KLF16: variants seen among roughly 807,000 people sequenced by gnomAD.
KLF16 encodes Krueppel-like factor 16.
A neutral mutation model predicts 6.1 loss-of-function variants in KLF16; 6 were observed. The observed-to-expected ratio is 0.98, with a 90% CI of 0.54 to 1.93. The LOEUF is 1.93. KLF16 is among the 30% of genes most tolerant of loss of function. The pLI is 0.01. For missense variants in KLF16, 355 were observed against 363.8 expected (o/e 0.98, Z 0.20); for synonymous variants, 211 against 176.5 (o/e 1.20, Z -1.55).
At chr19:1,872,495 C>T in the KLF16 span, among the ~76,000 whole-genome samples, 1 of 152,226 alleles carries the variant, frequency 6.6e-6, no homozygotes, top group Non-Finnish European at 1.5e-5. Context: ...AGCACCCCGC[C>T]TGGGCCTGTT....
At chr19:1,860,317 G>A (rs575462928) in intron 1 of KLF16, 1 of 152,598 alleles carries the variant, frequency 6.6e-6, no homozygotes, top group African/African-American at 2.4e-5. Context: ...GGCCGGGCTA[G>A]GATAGGGGCT....
At chr19:1,863,750 C>T (rs1201218938), upstream of KLF16, among the ~76,000 whole-genome samples, 7 of 142,708 alleles carry the variant, frequency 4.9e-5, no homozygotes, top group Non-Finnish European at 1.1e-4. Flanking sequence ...CCACGCCCCC[C>T]GCCCGGCGCG....
intron 1 of KLF16, among the ~76,000 whole-genome samples, chr19:1,856,761 G>A (rs971784995): frequency 2.0e-5 from 3 of 152,234 alleles, no homozygotes; most frequent in African/African-American, 7.2e-5. Flanking sequence ...TGGGGCTCGC[G>A]CCCCTCCAGG....
chr19:1,852,584 A>C lies in KLF16; in HGVS notation c.*1875T>G, dbSNP rs1350227951. 6.6e-6 allele frequency: 1 copy of C among 152,086 alleles called. No individual in the cohort carries two copies. The highest frequency in any genetic ancestry group is 1.5e-5 in the Non-Finnish European group (1 of 68,028). The allele number at this position is 152,086 out of a possible 1,614,324, so 9.4% of individuals were successfully genotyped here. A position where few individuals can be genotyped will look rare whatever the true frequency, so the allele number is the denominator to read the frequency against. On this transcript the variant is annotated 3_prime_UTR_variant, in exon 2 of 2. Coordinates refer to ENST00000250916, the MANE Select transcript of KLF16 (RefSeq NM_031918.4). ...GGAGGGGTGGGCGCAGGTCTCTCCA[A>C]GCCCCTGGACACTGGAGAGGGGCCC... is the stretch of plus-strand genomic sequence containing the variant.
At position 1,863,367 on chromosome 19, in the gene KLF16, C is replaced by T. The variant is rs1469251785; in HGVS notation, c.131G>A (p.Arg44His). ...TGAGGCGGCCTCGCGGCGCGCCGCG[C>T]GCACATCCAGGCCGGCGGCGGGGCC... Reference protein sequence around the residue: ...GAGPAAGLDVRAARREAASPG... With the variant: ...GAGPAAGLDVHAARREAASPG... Residue 44 changes from arginine (R) to histidine (H), a missense_variant, in exon 1 of 2, where the codon CGC (arginine) becomes CAC (histidine). By Grantham distance (29) the Arg-to-His change is conservative. Coordinates refer to ENST00000250916, the MANE Select transcript of KLF16 (RefSeq NM_031918.4). The T allele has an allele frequency of 1.0e-5, 10 of 980,372 alleles. No individual in the cohort carries two copies. The highest frequency in any genetic ancestry group is 1.8e-5 in the African/African-American group (1 of 56,230). The allele number at this position is 980,372 out of a possible 1,614,324, so 60.7% of individuals were successfully genotyped here. A position where few individuals can be genotyped will look rare whatever the true frequency, so the allele number is the denominator to read the frequency against.
In KLF16 at chr19:1,860,604, G is replaced by A. The variant is rs535227302; in HGVS notation, c.457+2437C>T. 3.3e-5 allele frequency among the ~76,000 whole-genome samples: 5 copies of A among 152,190 alleles called. No individual in the cohort carries two copies. In the South Asian group the frequency reaches 6.2e-4, roughly 19 times the overall value. ...ACAGCCCTGCAGCCACCGGTGACTC[G>A]GGTTCGTCTGCGGATCTTTCCCGGC... On this transcript the variant is annotated intron_variant, in intron 1 of 1. Coordinates refer to ENST00000250916, the MANE Select transcript of KLF16 (RefSeq NM_031918.4).
At chr19:1,864,813 G>A (rs964424457), upstream of KLF16, among the ~76,000 whole-genome samples, 16 of 152,224 alleles carry the variant, frequency 1.1e-4, no homozygotes, top group African/African-American at 3.9e-4. Context: ...AAGGCGGCGG[G>A]GGCACAGAAA....
upstream of KLF16, among the ~76,000 whole-genome samples, chr19:1,863,973 A>C (rs1246144656): frequency 4.4e-5 from 5 of 113,088 alleles, no homozygotes; most frequent in African/African-American, 1.0e-4. Flanking sequence ...TTCCCGGAGC[A>C]CCACCCCCTC....
intron 1 of KLF16, among the ~76,000 whole-genome samples, chr19:1,855,550 C>T (rs1234151892): frequency 6.6e-6 from 1 of 152,226 alleles, no homozygotes; most frequent in Non-Finnish European, 1.5e-5. Context: ...CCCCTCCCAC[C>T]GCCAAGGCCG....
chr19:1,868,776 G>A, the KLF16 span, among the ~76,000 whole-genome samples: 14 of 151,594 alleles, frequency 9.2e-5, no homozygotes, highest in South Asian at 4.2e-4. Flanking sequence ...CCGAGTAGCC[G>A]CGATTACAGG....
intron 1 of KLF16, among the ~76,000 whole-genome samples, chr19:1,855,938 G>A (rs1428203914): frequency 1.3e-5 from 2 of 152,260 alleles, no homozygotes; most frequent in Non-Finnish European, 2.9e-5. Flanking sequence ...TCGTGGCACT[G>A]GTTGGAGCCC....
At chr19:1,859,931 C>T (rs547466222) in intron 1 of KLF16, among the ~76,000 whole-genome samples, 1 of 152,070 alleles carries the variant, frequency 6.6e-6, no homozygotes, top group East Asian at 1.9e-4. Flanking sequence ...CACTGCATAA[C>T]CCCCTGCAGT....
Position 1,863,542 on chromosome 19 carries a change from G to T in KLF16, c.-45C>A. 1 of 933,430 alleles carries T rather than the reference G, an allele frequency of 1.1e-6. No homozygotes were observed. The allele number at this position is 933,430 out of a possible 1,614,324, so 57.8% of individuals were successfully genotyped here. A position where few individuals can be genotyped will look rare whatever the true frequency, so the allele number is the denominator to read the frequency against. ...CGCGGCGGGCGGAGCGGAGGCGGCG[G>T]GAGCGGCGTCCGTCCGGCCGGCGGC... On this transcript the variant is annotated 5_prime_UTR_variant, in exon 1 of 2. Transcript: ENST00000250916.
chr19:1,861,356 C>T (rs1376832987), intron 1 of KLF16: 1 of 152,214 alleles, frequency 6.6e-6, no homozygotes, highest in African/African-American at 2.4e-5. Context: ...CACTTCAGCC[C>T]CGTCTGTTCA....
At chr19:1,872,579 G>A in the KLF16 span, among the ~76,000 whole-genome samples, 1 of 152,212 alleles carries the variant, frequency 6.6e-6, no homozygotes, top group Admixed American at 6.5e-5. Flanking sequence ...CACACTGCCT[G>A]TTCTGAGCTC....
chr19:1,861,181 C>CG (rs1160318784), intron 1 of KLF16, among the ~76,000 whole-genome samples: 2 of 152,184 alleles, frequency 1.3e-5, no homozygotes, highest in Non-Finnish European at 2.9e-5. Context: ...CCCCAATACC[C>CG]GGGGGCCTAT....
Position 1,856,952 on chromosome 19 carries a change from G to C in KLF16, c.458-2192C>G, listed in dbSNP as rs1043891008. Among the ~76,000 whole-genome samples, 7 of 123,898 alleles carry C rather than the reference G, an allele frequency of 5.6e-5. 2 individuals are homozygous for C. Among genetic ancestry groups the C allele is most frequent in the South Asian group, 5.1e-4 (2 of 3,932 alleles). 81.3% of individuals were successfully genotyped at this position (123,898 alleles called of 152,430 possible). On this transcript the variant is annotated intron_variant, in intron 1 of 1. Transcript: ENST00000250916. Reference sequence around the variant, plus strand: ...CTTTGCAAGGAGGAGCAGGTTGCCGGGGTGGGGGGGGCGACCGGGGCAGGG... The same window carrying C: ...CTTTGCAAGGAGGAGCAGGTTGCCGCGGTGGGGGGGGCGACCGGGGCAGGG...
At chr19:1,863,751 G>T (rs1425416748), upstream of KLF16, among the ~76,000 whole-genome samples, 14 of 132,902 alleles carry the variant, frequency 1.1e-4, no homozygotes, top group East Asian at 3.3e-3. Flanking sequence ...CACGCCCCCC[G>T]CCCGGCGCGC....
At position 1,856,950 on chromosome 19, in the gene KLF16, C is replaced by CG. The variant is rs946961126; in HGVS notation, c.458-2191dup. ...CACTTTGCAAGGAGGAGCAGGTTGC[C>CG]GGGGTGGGGGGGGCGACCGGGGCAG... On this transcript the variant is annotated intron_variant, in intron 1 of 1. Transcript: ENST00000250916. Among the ~76,000 whole-genome samples the CG allele has an allele frequency of 9.8e-3, 424 of 43,208 alleles. 54 individuals carry two copies. Among genetic ancestry groups the CG allele is most frequent in the African/African-American group, 0.021 (109 of 5,104 alleles). The allele number at this position is 43,208 out of a possible 152,430, so 28.3% of individuals were successfully genotyped here.
Sources: allele counts gnomAD v4.1 joint callset (sites outside exome capture counted in the v4.1 genomes callset), GRCh38; gene constraint gnomAD v4.1.1; transcripts MANE v1.5; gene names NCBI Gene and HGNC (gene_info 2026-07-23, HGNC 2026-07-21).